Variants in CLEC16A observed in about 807,000 individuals in gnomAD.
CLEC16A encodes C-type lectin domain containing 16A, also known as protein CLEC16A.
In CLEC16A, 51 loss-of-function variants were observed where a neutral mutation model predicts 109.5. The observed-to-expected ratio is 0.47, with a 90% CI of 0.37 to 0.59. The LOEUF (loss-of-function observed/expected upper bound fraction) is 0.59. Among genes scored for constraint, CLEC16A ranks in the 20% least tolerant of loss-of-function variants. CLEC16A has a pLI of 0.00. For missense variants in CLEC16A, 1,339 were observed against 1,394.0 expected (o/e 0.96, Z 0.63); for synonymous variants, 673 against 564.2 (o/e 1.19, Z -2.73).
intron 19 of CLEC16A, among the ~76,000 whole-genome samples, chr16:11,119,961 G>T (rs367731771): frequency 3.1e-5 from 4 of 130,948 alleles, no homozygotes; most frequent in African/African-American, 1.3e-4. Context: ...TTTGTTTTGT[G>T]TTGTGTTGTT....
At chr16:11,163,940 G>A (rs955641385) in intron 22 of CLEC16A, among the ~76,000 whole-genome samples, 12 of 152,164 alleles carry the variant, frequency 7.9e-5, no homozygotes, top group African/African-American at 2.9e-4. Flanking sequence ...TGTAAACTGG[G>A]GGGTTTACCG....
At chr16:11,002,523 G>A (rs533307016) in intron 10 of CLEC16A, among the ~76,000 whole-genome samples, 3 of 152,270 alleles carry the variant, frequency 2.0e-5, no homozygotes, top group African/African-American at 7.2e-5. Flanking sequence ...CTGTGTTCAT[G>A]GGGTAAAATG....
In CLEC16A at chr16:10,949,789, C is replaced by T. The variant is rs1357355239; in HGVS notation, c.80+4992C>T. The stretch of plus-strand genomic sequence containing the variant: ...TGGGCCTCCACATGTGTTGGTGGGG[C>T]GGGGAGCAGGGGCTCTGCTGCCGTC... On this transcript the variant is annotated intron_variant, in intron 1 of 23. Transcript: ENST00000409790. 3.3e-5 allele frequency among the ~76,000 whole-genome samples: 5 copies of T among 151,878 alleles called. No individual in the cohort carries two copies. In the East Asian group the frequency reaches 9.6e-4, roughly 29 times the overall value.
intron 10 of CLEC16A, among the ~76,000 whole-genome samples, chr16:11,002,593 T>C (rs1285814705): frequency 6.6e-6 from 1 of 152,156 alleles, no homozygotes; most frequent in Non-Finnish European, 1.5e-5. Flanking sequence ...ATTGCATCCA[T>C]CACTGGAGTA....
chr16:11,171,869 G>A (rs988032793), intron 23 of CLEC16A, among the ~76,000 whole-genome samples: 1 of 142,986 alleles, frequency 7.0e-6, no homozygotes, highest in Admixed American at 6.9e-5. Flanking sequence ...CACATGCCAG[G>A]GCACATACAC....
chr16:11,113,318 C>A (rs544391327), intron 19 of CLEC16A, among the ~76,000 whole-genome samples: 28 of 152,320 alleles, frequency 1.8e-4, no homozygotes, highest in African/African-American at 6.7e-4. Flanking sequence ...TCACTTATTT[C>A]TTTATTCAAT....
chr16:10,982,770 T>G (rs1449191844), intron 9 of CLEC16A, 108 bp from the exon 10 acceptor site: 1 of 646,222 alleles, frequency 1.5e-6, no homozygotes, highest in African/African-American at 1.8e-5. Flanking sequence ...GAATTGCTGC[T>G]TAATACAGGA....
intron 22 of CLEC16A, among the ~76,000 whole-genome samples, chr16:11,140,302 G>A (rs1220480509): frequency 1.3e-5 from 2 of 152,190 alleles, no homozygotes; most frequent in Non-Finnish European, 2.9e-5. Context: ...ATGGCTGGGT[G>A]GCAGGAAGAG....
intron 9 of CLEC16A, 122 bp from the exon 10 acceptor site, chr16:10,982,756 G>A (rs919927031): frequency 1.6e-5 from 10 of 606,638 alleles, no homozygotes; most frequent in African/African-American, 5.6e-5. Flanking sequence ...ATTTTGCATC[G>A]TAGGAATTGC....
rs574524430 is a variant in CLEC16A, at chr16:11,058,536, A to T, written c.1996-2366A>T. On this transcript the variant is annotated intron_variant, in intron 18 of 23. Coordinates refer to ENST00000409790, the MANE Select transcript of CLEC16A (RefSeq NM_015226.3). ...TACAGATGCAACCCTTTTTTTTTTTAATATTTTTGATCTACAGTTGGTTGA... is the reference window on the plus strand; with the variant it reads ...TACAGATGCAACCCTTTTTTTTTTTTATATTTTTGATCTACAGTTGGTTGA... Among the ~76,000 whole-genome samples the T allele has an allele frequency of 1.2e-3, 169 of 146,200 alleles. 2 individuals carry two copies. Among genetic ancestry groups the T allele is most frequent in the African/African-American group, 4.1e-3 (156 of 38,344 alleles).
At chr16:11,072,811 C>G (rs2049144774) in intron 19 of CLEC16A, among the ~76,000 whole-genome samples, 1 of 152,218 alleles carries the variant, frequency 6.6e-6, no homozygotes, top group African/African-American at 2.4e-5. Flanking sequence ...TATGTCTGTT[C>G]TCTTTGGAGG....
intron 19 of CLEC16A, among the ~76,000 whole-genome samples, chr16:11,074,282 A>G (rs538687839): frequency 1.3e-5 from 2 of 152,324 alleles, no homozygotes; most frequent in South Asian, 4.1e-4. Context: ...TGGAATTCAC[A>G]ATGTTTCCCC....
At chr16:11,157,770 A>G (rs1373047426) in intron 22 of CLEC16A, among the ~76,000 whole-genome samples, 1 of 152,044 alleles carries the variant, frequency 6.6e-6, no homozygotes, top group Non-Finnish European at 1.5e-5. Context: ...TCAGCCCCCA[A>G]CACGTGCTCT....
intron 19 of CLEC16A, among the ~76,000 whole-genome samples, chr16:11,066,284 G>A (rs759751191): frequency 6.6e-6 from 1 of 152,092 alleles, no homozygotes; most frequent in African/African-American, 2.4e-5. Flanking sequence ...CAGTGCTAGT[G>A]GGCAAAGAGG....
chr16:10,989,117 T>C (rs1460321490), intron 10 of CLEC16A, among the ~76,000 whole-genome samples: 1 of 152,250 alleles, frequency 6.6e-6, no homozygotes. Flanking sequence ...TGAGTGATGG[T>C]AGGTGAAGCC....
At chr16:11,106,456 A>ATT (rs538713695) in intron 19 of CLEC16A, among the ~76,000 whole-genome samples, 22,689 of 133,284 alleles carry the variant, frequency 0.17, 2,375 homozygotes, top group African/African-American at 0.29. Flanking sequence ...ACCCAGCCCA[A>ATT]TTTTTTTTTT....
At chr16:11,025,205 C>G (rs1480600927) in intron 13 of CLEC16A, among the ~76,000 whole-genome samples, 1 of 152,182 alleles carries the variant, frequency 6.6e-6, no homozygotes. Context: ...CTGTGGTTTT[C>G]TTTTGACCCC....
intron 19 of CLEC16A, among the ~76,000 whole-genome samples, chr16:11,093,380 G>C (rs1734307454): frequency 6.6e-6 from 1 of 152,186 alleles, no homozygotes; most frequent in South Asian, 2.1e-4. Context: ...GACTCAAAAA[G>C]TGCTTCAAGG....
At chr16:11,079,309 G>A (rs1236016050) in intron 19 of CLEC16A, among the ~76,000 whole-genome samples, 1 of 152,210 alleles carries the variant, frequency 6.6e-6, no homozygotes, top group Non-Finnish European at 1.5e-5. Context: ...AGTAGAGACT[G>A]TCCAGGCCAG....
Sources: gnomAD v4.1 joint callset for allele counts (sites outside exome capture counted in the v4.1 genomes callset) on GRCh38, gnomAD v4.1.1 for gene constraint, MANE v1.5 for transcripts, NCBI Gene and HGNC (gene_info 2026-07-23, HGNC 2026-07-21) for gene names.